Variants in ARHGEF1 observed in about 807,000 individuals in gnomAD.
ARHGEF1 encodes the protein 115 kDa guanine nucleotide exchange factor.
Under a neutral mutation model 119.7 loss-of-function variants are expected in ARHGEF1, and 40 were observed. That is an observed-to-expected ratio of 0.33 (90% CI 0.26 to 0.44). The LOEUF is 0.44. Ranked by LOEUF, ARHGEF1 falls within the 20% of genes least tolerant of loss-of-function variation. The pLI, the probability that ARHGEF1 is intolerant of heterozygous loss-of-function variation, is 1.00. For missense variants in ARHGEF1, 976 were observed against 1,268.3 expected, an observed-to-expected ratio of 0.77 and a Z score of 3.50; for synonymous variants, 494 against 521.0, an observed-to-expected ratio of 0.95 and a Z score of 0.71.
intron 7 of ARHGEF1, 124 bp from the exon 8 acceptor site, chr19:41,893,150 A>T: frequency 7.5e-7 from 1 of 1,339,850 alleles, no homozygotes; most frequent in Non-Finnish European, 1.0e-6. Context: ...TCCCTTCCAC[A>T]GTGTCCCCTC....
chr19:41,904,212 G>A lies in ARHGEF1; in HGVS notation c.1994-4G>A, dbSNP rs372079191. On this transcript the variant is annotated splice_region_variant and splice_polypyrimidine_tract_variant and intron_variant, in intron 21 of 28. Coordinates refer to ENST00000354532, the MANE Select transcript of ARHGEF1 (RefSeq NM_004706.4). The surrounding 1 kb of genome is among the most constrained non-coding windows in gnomAD (Gnocchi z 8.4). ...ACGCCGTGTGAGCACTGCTCGCCCC[G>A]TAGAGGTGCATGTGCTGCTGCTGGA... 51 of 1,613,556 alleles carry A rather than the reference G, an allele frequency of 3.2e-5. No individual in the cohort carries two copies. Among genetic ancestry groups the A allele is most frequent in the South Asian group, 4.4e-5 (4 of 91,034 alleles).
At chr19:41,896,810 T>TCTCCTCTCTCACCTCCCCC in intron 13 of ARHGEF1, 2 of 302,788 alleles carry the variant, frequency 6.6e-6, no homozygotes, top group Admixed American at 3.6e-5. Flanking sequence ...TCACCTCCCC[T>TCTCCTCTCTCACCTCCCCC]CTCCTCTCTC....
chr19:41,886,046 A>C (rs1201675594), intron 1 of ARHGEF1, among the ~76,000 whole-genome samples: 2 of 151,988 alleles, frequency 1.3e-5, no homozygotes, highest in African/African-American at 4.8e-5. Flanking sequence ...TGTCCACCAA[A>C]TGCAGTTTAT....
downstream of ARHGEF1, among the ~76,000 whole-genome samples, chr19:41,911,154 C>T (rs577015755): frequency 5.3e-5 from 8 of 152,170 alleles, no homozygotes; most frequent in Non-Finnish European, 1.0e-4. Context: ...ACACCCCCGG[C>T]TCACTCAGCA....
chr19:41,904,011 A>G lies in ARHGEF1; in HGVS notation c.1918-24A>G. ...CAATCACCCCCTGCCAACCTGCACA[A>G]ACCATCACCCCCTCCTGCCCCAGAA... On this transcript the variant is annotated intron_variant, in intron 20 of 28. Coordinates refer to ENST00000354532, the MANE Select transcript of ARHGEF1 (RefSeq NM_004706.4). This position sits in a 1 kb window ranked among gnomAD's most constrained non-coding sequence, Gnocchi z 8.4. 6.2e-7 allele frequency: 1 copy of G among 1,612,296 alleles called. No homozygotes were observed. Among genetic ancestry groups the G allele is most frequent in the Non-Finnish European group, 8.5e-7 (1 of 1,178,750 alleles).
intron 8 of ARHGEF1, 45 bp from the exon 9 acceptor site, chr19:41,894,162 G>C: frequency 8.7e-7 from 1 of 1,143,350 alleles, no homozygotes; most frequent in Non-Finnish European, 1.2e-6. Context: ...GTGTGTGTGT[G>C]TGTGTCTTTG....
intron 18 of ARHGEF1, among the ~76,000 whole-genome samples, chr19:41,913,159 C>A (rs1226990676): frequency 6.6e-6 from 1 of 152,006 alleles, no homozygotes; most frequent in East Asian, 1.9e-4. Context: ...TCTCCTCCCG[C>A]AGCCTCCTCC....
At chr19:41,929,307 T>G (rs2074891353) in intron 2 of ARHGEF1, among the ~76,000 whole-genome samples, 1 of 151,402 alleles carries the variant, frequency 6.6e-6, no homozygotes, top group Non-Finnish European at 1.5e-5. Context: ...AAGCCCTCAC[T>G]AACACATAGG....
At position 41,894,856 on chromosome 19, in the gene ARHGEF1, T is replaced by TG. The variant is rs1235083907; in HGVS notation, c.877+198dup. Among the ~76,000 whole-genome samples, 274 of 106,114 alleles carry TG rather than the reference T, an allele frequency of 2.6e-3. 3 individuals carry two copies. The highest frequency in any genetic ancestry group is 7.7e-3 in the African/African-American group (239 of 31,000). 69.6% of individuals were successfully genotyped at this position (106,114 alleles called of 152,430 possible). A position where few individuals can be genotyped will look rare whatever the true frequency, so the allele number is the denominator to read the frequency against. ...CTCCTGGGTCTGAGGGAGGAAGGGCTGGGCCTGGACCCCTGGGTCTGAGGG... is the reference window on the plus strand; with the variant it reads ...CTCCTGGGTCTGAGGGAGGAAGGGCTGGGGCCTGGACCCCTGGGTCTGAGGG... On this transcript the variant is annotated intron_variant, in intron 11 of 28. Transcript: ENST00000354532.
chr19:41,924,585 C>T (rs1555853058), intron 1 of ARHGEF1, among the ~76,000 whole-genome samples: 1 of 152,048 alleles, frequency 6.6e-6, no homozygotes. Context: ...TGTGGTGGAA[C>T]AGGTGGGGCA....
chr19:41,907,409 C>T lies in ARHGEF1; in HGVS notation c.*322C>T, dbSNP rs2074719916. 1 of 1,533,294 alleles carries T rather than the reference C, an allele frequency of 6.5e-7. No homozygotes were observed. The highest frequency in any genetic ancestry group is 1.4e-5 in the African/African-American group (1 of 72,856). The allele number at this position is 1,533,294 out of a possible 1,614,324, so 95.0% of individuals were successfully genotyped here. On this transcript the variant is annotated 3_prime_UTR_variant, in exon 29 of 29. Coordinates refer to ENST00000354532, the MANE Select transcript of ARHGEF1 (RefSeq NM_004706.4). ...AAGTGCCTTCGCTCTGTTTTTATAC[C>T]CTGAATTGGAGGTTTATTTTTTAAT...
intron 14 of ARHGEF1, 127 bp from the exon 15 acceptor site, chr19:41,901,760 G>GT: frequency 1.6e-6 from 2 of 1,229,062 alleles, no homozygotes; most frequent in South Asian, 1.5e-5. Flanking sequence ...GCCAGAGAGA[G>GT]TTTTTTCCCA....
Position 41,901,889 on chromosome 19 carries a change from C to T in ARHGEF1, c.1270C>T (p.Leu424=). 6.2e-7 allele frequency: 1 copy of T among 1,609,588 alleles called. No individual in the cohort carries two copies. The highest frequency in any genetic ancestry group is 8.5e-7 in the Non-Finnish European group (1 of 1,179,904). ...QVKRQEVISE[L]LVTEAAHVRM... is the part of the protein sequence containing the mutation. ...TTCCTGCTTTGGTGGCCCTGCAGAG[C>T]TGCTGGTGACAGAGGCGGCCCACGT... Residue 424 remains leucine (L), a splice_region_variant and synonymous_variant, in exon 15 of 29, where the codon CTG becomes TTG. Transcript: ENST00000354532.
Position 41,902,910 on chromosome 19 carries a change from C to T in ARHGEF1, c.1738+12C>T, listed in dbSNP as rs369829220. The T allele has an allele frequency of 3.2e-6, 5 of 1,559,564 alleles. No homozygotes were observed. The highest frequency in any genetic ancestry group is 2.4e-5 in the South Asian group (2 of 85,054). ...CGGGCAGAACACAGGTACCGCGGGC[C>T]TGGATCTCTGGGCCTCGGCTCTCCT... On this transcript the variant is annotated intron_variant, in intron 18 of 28. Transcript: ENST00000354532. This position sits in a 1 kb window ranked among gnomAD's most constrained non-coding sequence, Gnocchi z 6.5.
rs368382185 is a variant in ARHGEF1, at chr19:41,904,002, A to G, written c.1918-33A>G. 2.9e-5 allele frequency: 47 copies of G among 1,606,038 alleles called. No individual in the cohort carries two copies. In the African/African-American group the frequency reaches 5.4e-4, roughly 18 times the overall value. On this transcript the variant is annotated intron_variant, in intron 20 of 28. Coordinates refer to ENST00000354532, the MANE Select transcript of ARHGEF1 (RefSeq NM_004706.4). The surrounding 1 kb of genome is among the most constrained non-coding windows in gnomAD (Gnocchi z 8.4). ...CACCAACCCCAATCACCCCCTGCCAACCTGCACAAACCATCACCCCCTCCT... is the reference window on the plus strand; with the variant it reads ...CACCAACCCCAATCACCCCCTGCCAGCCTGCACAAACCATCACCCCCTCCT...
chr19:41,907,253 C>T lies in ARHGEF1; in HGVS notation c.*166C>T, dbSNP rs557603481. On this transcript the variant is annotated 3_prime_UTR_variant, in exon 29 of 29. Transcript: ENST00000354532. ...GGGGCCCAGCTGGGGTTACTGGCCCCGCATGAGCCTCGGCCATCTCTCCCT... is the reference window on the plus strand; with the variant it reads ...GGGGCCCAGCTGGGGTTACTGGCCCTGCATGAGCCTCGGCCATCTCTCCCT... The T allele has an allele frequency of 6.2e-5, 95 of 1,523,912 alleles. No homozygotes were observed. The highest frequency in any genetic ancestry group is 2.5e-4 in the African/African-American group (18 of 72,732). The allele number at this position is 1,523,912 out of a possible 1,614,324, so 94.4% of individuals were successfully genotyped here.
At chr19:41,898,200 C>T (rs2074543811) in intron 13 of ARHGEF1, 2 of 1,402,718 alleles carry the variant, frequency 1.4e-6, no homozygotes, top group Non-Finnish European at 1.9e-6. Flanking sequence ...GAGGAATGGG[C>T]GTTGGAGACC....
At chr19:41,894,430 T>G (rs2074443062) in intron 9 of ARHGEF1, 21 bp from the exon 10 acceptor site, 1 of 1,539,244 alleles carries the variant, frequency 6.5e-7, no homozygotes, top group Admixed American at 2.0e-5. Flanking sequence ...TAGCCTGGTC[T>G]TCCTCCCCGC....
Position 41,895,375 on chromosome 19 carries a change from A to C in ARHGEF1, c.904A>C (p.Lys302Gln). The stretch of plus-strand genomic sequence containing the variant: ...CGAGAAGCCAGGTGCTACAGACCGG[A>C]AGGGAGGCGTGGGGATGCCCTCTCG... ...DAEKPGATDR[K>Q]GGVGMPSRDR... is the part of the protein sequence containing the mutation. The change falls in exon 12 of 29, where the codon AAG becomes CAG. Residue 302 changes from lysine to glutamine, a missense_variant. Around this residue, in one of 3 missense-constraint regions of ARHGEF1, gnomAD observed 519 missense variants for 580.9 expected, o/e 0.89. Transcript: ENST00000354532. 6.2e-7 allele frequency: 1 copy of C among 1,611,802 alleles called. No homozygotes were observed. Among genetic ancestry groups the C allele is most frequent in the Non-Finnish European group, 8.5e-7 (1 of 1,179,124 alleles).
Sources: allele counts gnomAD v4.1 joint callset (sites outside exome capture counted in the v4.1 genomes callset), GRCh38; gene constraint gnomAD v4.1.1; regional missense constraint gnomAD v4.1.1; non-coding constraint Gnocchi (gnomAD v3.1); transcripts MANE v1.5; gene names NCBI Gene and HGNC (gene_info 2026-07-23, HGNC 2026-07-21).